Variants in ARL15 observed in about 807,000 individuals in gnomAD.
ARL15 encodes the protein ARF like GTPase 15.
Under a neutral mutation model 25.2 loss-of-function variants are expected in ARL15, and 19 were observed. That is an observed-to-expected ratio of 0.75 (90% CI 0.53 to 1.10). The LOEUF is 1.10. ARL15 is among the 50% of genes least tolerant of loss of function. The pLI is 0.00. For synonymous variants in ARL15, 94 were observed against 86.8 expected, an observed-to-expected ratio of 1.08 and a Z score of -0.46; for missense variants, 220 against 246.0, an observed-to-expected ratio of 0.89 and a Z score of 0.71.
chr5:53,916,762 T>C (rs952700722), intron 4 of ARL15, among the ~76,000 whole-genome samples: 1 of 152,132 alleles, frequency 6.6e-6, no homozygotes, highest in Non-Finnish European at 1.5e-5. Flanking sequence ...CCCTAAAGGC[T>C]ATTAACAACA....
chr5:54,090,319 A>AAGAAT (rs1378843919), intron 4 of ARL15, among the ~76,000 whole-genome samples: 1 of 152,194 alleles, frequency 6.6e-6, no homozygotes, highest in Non-Finnish European at 1.5e-5. Context: ...AAGACCACAG[A>AAGAAT]AGAATGCATT....
chr5:54,013,799 T>G (rs1236398049), intron 4 of ARL15, among the ~76,000 whole-genome samples: 2 of 152,164 alleles, frequency 1.3e-5, no homozygotes, highest in Non-Finnish European at 2.9e-5. Context: ...TCCACACCCC[T>G]ATGATTTCAC....
intron 1 of ARL15, among the ~76,000 whole-genome samples, chr5:54,216,458 T>C (rs1026855232): frequency 1.3e-5 from 2 of 152,172 alleles, no homozygotes; most frequent in East Asian, 1.9e-4. Context: ...CTAACAAATA[T>C]CTTATAAATT....
intron 1 of ARL15, among the ~76,000 whole-genome samples, chr5:54,205,011 T>C (rs569967381): frequency 6.7e-6 from 1 of 149,806 alleles, no homozygotes; most frequent in African/African-American, 2.5e-5. Flanking sequence ...CTTGGCTCAC[T>C]GCAACCTCCA....
chr5:54,006,605 A>T (rs1051461228), intron 4 of ARL15, among the ~76,000 whole-genome samples: 7 of 152,314 alleles, frequency 4.6e-5, no homozygotes, highest in Middle Eastern at 3.4e-3. Flanking sequence ...GAATGGAATT[A>T]AAAAAGTCTT....
At chr5:54,026,366 T>A (rs1749786602) in intron 4 of ARL15, among the ~76,000 whole-genome samples, 1 of 152,160 alleles carries the variant, frequency 6.6e-6, no homozygotes, top group African/African-American at 2.4e-5. Flanking sequence ...CTTCTCAGGC[T>A]CAGGTGATCC....
At chr5:53,909,768 A>G (rs1745393208) in intron 4 of ARL15, among the ~76,000 whole-genome samples, 2 of 152,182 alleles carry the variant, frequency 1.3e-5, no homozygotes. Flanking sequence ...ACACATCAAA[A>G]AGAGAATTTA....
chr5:54,060,149 A>AC lies in ARL15; in HGVS notation c.462+53052_462+53053insG, dbSNP rs1326464828. 7.0e-3 allele frequency among the ~76,000 whole-genome samples: 1,061 copies of AC among 150,762 alleles called. 19 individuals carry two copies. The highest frequency in any genetic ancestry group is 0.025 in the African/African-American group (1,016 of 40,706). On this transcript the variant is annotated intron_variant, in intron 4 of 4. Transcript: ENST00000504924. The stretch of plus-strand genomic sequence containing the variant: ...ATGACTAAAAAAAAAAAAAAAAAAA[A>AC]AAACCCCGGGTGCGGTGTCTCACAC...
chr5:53,989,360 A>G lies in ARL15; in HGVS notation c.463-102647T>C, dbSNP rs184475177. Among the ~76,000 whole-genome samples the G allele has an allele frequency of 1.3e-3, 195 of 152,336 alleles. 1 individual carries two copies. The highest frequency in any genetic ancestry group is 4.3e-3 in the African/African-American group (179 of 41,574). On this transcript the variant is annotated intron_variant, in intron 4 of 4. Coordinates refer to ENST00000504924, the MANE Select transcript of ARL15 (RefSeq NM_019087.3). ...AAATTTAAAGTCTAGTTATCACTTT[A>G]AAGTCTAGTTATCCGGTAACTGACT...
At chr5:54,238,788 T>A (rs1756877842) in intron 1 of ARL15, among the ~76,000 whole-genome samples, 1 of 152,166 alleles carries the variant, frequency 6.6e-6, no homozygotes, top group Non-Finnish European at 1.5e-5. Context: ...TAAAAAGGTA[T>A]CCTCAGAAAC....
chr5:53,918,746 C>A (rs1280660621), intron 4 of ARL15, among the ~76,000 whole-genome samples: 1 of 150,470 alleles, frequency 6.6e-6, no homozygotes, highest in Non-Finnish European at 1.5e-5. Context: ...TGACAGTTAG[C>A]AAATGAAATA....
chr5:54,074,875 C>T (rs576580825), intron 4 of ARL15, among the ~76,000 whole-genome samples: 2 of 150,992 alleles, frequency 1.3e-5, no homozygotes, highest in Middle Eastern at 6.8e-3. Context: ...AGTCCATTTG[C>T]CCATATTTCA....
intron 4 of ARL15, among the ~76,000 whole-genome samples, chr5:53,938,058 T>A (rs1263287861): frequency 6.6e-6 from 1 of 152,128 alleles, no homozygotes; most frequent in African/African-American, 2.4e-5. Flanking sequence ...AATGCTCAAT[T>A]AGTTTTCTCT....
At chr5:54,031,303 G>A (rs906648475) in intron 4 of ARL15, among the ~76,000 whole-genome samples, 2 of 152,176 alleles carry the variant, frequency 1.3e-5, no homozygotes, top group African/African-American at 4.8e-5. Context: ...TTAAAGTAAT[G>A]CCATCTAGTT....
At chr5:54,124,096 G>T (rs1684523919) in intron 3 of ARL15, among the ~76,000 whole-genome samples, 1 of 152,170 alleles carries the variant, frequency 6.6e-6, no homozygotes, top group East Asian at 1.9e-4. Flanking sequence ...ATTTAGATTA[G>T]GATAGTTAAA....
At chr5:53,938,100 C>A (rs1746411152) in intron 4 of ARL15, among the ~76,000 whole-genome samples, 1 of 152,154 alleles carries the variant, frequency 6.6e-6, no homozygotes, top group African/African-American at 2.4e-5. Context: ...TCAACACCCT[C>A]AACTGATATG....
chr5:54,113,144 C>T (rs1004083915), intron 4 of ARL15, 58 bp downstream of exon 4: 11 of 1,551,470 alleles, frequency 7.1e-6, no homozygotes, highest in Non-Finnish European at 8.8e-6. Flanking sequence ...CAGGTTCCAA[C>T]GTGGCAGCAA....
chr5:54,056,636 A>G (rs1750878353), intron 4 of ARL15, among the ~76,000 whole-genome samples: 1 of 151,970 alleles, frequency 6.6e-6, no homozygotes, highest in Admixed American at 6.6e-5. Flanking sequence ...TAAAAAAAAA[A>G]AAAAAAAAGT....
In ARL15 at chr5:54,277,273, C is replaced by G. The variant is rs111934457; in HGVS notation, c.48+33159G>C. ...GTAGCTCTCCCTGCCTCCCTCCCCC[C>G]GCAAAAAAGAAAAAGAAGTCACAGA... On this transcript the variant is annotated intron_variant, in intron 1 of 4. Transcript: ENST00000504924. Among the ~76,000 whole-genome samples, 955 of 151,836 alleles carry G rather than the reference C, an allele frequency of 6.3e-3. 8 individuals are homozygous for G. Among genetic ancestry groups the G allele is most frequent in the African/African-American group, 0.022 (912 of 41,416 alleles).
Sources: allele counts gnomAD v4.1 joint callset (sites outside exome capture counted in the v4.1 genomes callset), GRCh38; gene constraint gnomAD v4.1.1; transcripts MANE v1.5; gene names NCBI Gene and HGNC (gene_info 2026-07-23, HGNC 2026-07-21).